Variants in SLC4A10 observed in about 807,000 individuals in gnomAD.
SLC4A10 encodes the protein sodium-driven chloride bicarbonate exchanger.
SLC4A10 carries 42 observed loss-of-function variants against 137.7 expected under a neutral mutation model. The observed-to-expected ratio is 0.30, with a 90% confidence interval of 0.24 to 0.39. The LOEUF is 0.39. Ranked by LOEUF, SLC4A10 falls within the 10% of genes least tolerant of loss-of-function variation. SLC4A10 has a pLI of 1.00. For synonymous variants in SLC4A10, 474 were observed against 464.1 expected (o/e 1.02, Z -0.27); for missense variants, 925 against 1,355.0 (o/e 0.68, Z 4.98).
intron 15 of SLC4A10, 47 bp downstream of exon 15, chr2:161,905,934 A>G: frequency 6.5e-7 from 1 of 1,532,780 alleles, no homozygotes; most frequent in Non-Finnish European, 8.7e-7. Flanking sequence ...CTTTTGACAA[A>G]TATTGCTATT....
chr2:161,928,181 A>G (rs1689559803), intron 15 of SLC4A10, among the ~76,000 whole-genome samples: 1 of 149,230 alleles, frequency 6.7e-6, no homozygotes, highest in African/African-American at 2.5e-5. Flanking sequence ...ACCATGGAAT[A>G]CTATGCAGCC....
intron 15 of SLC4A10, among the ~76,000 whole-genome samples, chr2:161,910,934 C>T (rs1052893006): frequency 6.6e-6 from 1 of 151,612 alleles, no homozygotes; most frequent in Admixed American, 6.6e-5. Flanking sequence ...TTTTATCTCC[C>T]GTAGTCCCAG....
intron 10 of SLC4A10, among the ~76,000 whole-genome samples, chr2:161,889,790 A>G (rs969746108): frequency 6.6e-6 from 1 of 151,952 alleles, no homozygotes; most frequent in African/African-American, 2.4e-5. Flanking sequence ...TGTCTCCTTT[A>G]GCTCTGCTCT....
In SLC4A10 at chr2:161,904,290, T is replaced by C. The variant is rs1187989063; in HGVS notation, c.1617+112T>C. On this transcript the variant is annotated intron_variant, in intron 13 of 26. Coordinates refer to ENST00000446997, the MANE Select transcript of SLC4A10 (RefSeq NM_001178015.2). The stretch of plus-strand genomic sequence containing the variant: ...CTTTTCTGAGGAGAGATTTGAGATA[T>C]GGTCTGGCAGATACACCTTATATGA... 5.1e-6 allele frequency: 6 copies of C among 1,176,370 alleles called. No homozygotes were observed. In the African/African-American group the frequency reaches 6.2e-5, roughly 12 times the overall value. The allele number at this position is 1,176,370 out of a possible 1,614,324, so 72.9% of individuals were successfully genotyped here. A position where few individuals can be genotyped will look rare whatever the true frequency, so the allele number is the denominator to read the frequency against.
At chr2:161,731,175 C>T (rs1378362776) in intron 1 of SLC4A10, among the ~76,000 whole-genome samples, 1 of 152,054 alleles carries the variant, frequency 6.6e-6, no homozygotes, top group East Asian at 1.9e-4. Flanking sequence ...CATGAGTTCT[C>T]CACAGATTAA....
chr2:161,733,967 C>A (rs2047066855), intron 1 of SLC4A10, among the ~76,000 whole-genome samples: 1 of 152,162 alleles, frequency 6.6e-6, no homozygotes, highest in Non-Finnish European at 1.5e-5. Context: ...TGGTCAATTT[C>A]TCCCATTTGG....
intron 1 of SLC4A10, among the ~76,000 whole-genome samples, chr2:161,628,554 A>G (rs2032908537): frequency 6.6e-6 from 1 of 152,056 alleles, no homozygotes; most frequent in South Asian, 2.1e-4. Context: ...TAAAATGTCA[A>G]AGTAACAAAA....
intron 4 of SLC4A10, among the ~76,000 whole-genome samples, chr2:161,853,014 G>C (rs1285544106): frequency 6.6e-6 from 1 of 152,104 alleles, no homozygotes; most frequent in Non-Finnish European, 1.5e-5. Flanking sequence ...TCTGCCAAGA[G>C]GTTGTTCCTT....
chr2:161,981,703 T>G (rs570478899), intron 26 of SLC4A10, among the ~76,000 whole-genome samples: 2 of 152,292 alleles, frequency 1.3e-5, no homozygotes, highest in Non-Finnish European at 2.9e-5. Context: ...GAGTTAAAAA[T>G]ACGAGTTAGG....
chr2:161,766,061 T>C (rs984815029), intron 1 of SLC4A10, among the ~76,000 whole-genome samples: 1 of 152,160 alleles, frequency 6.6e-6, no homozygotes, highest in East Asian at 1.9e-4. Context: ...AGAGTATACA[T>C]TGGATTTTTC....
chr2:161,956,405 TGG>T (rs1448204941), intron 19 of SLC4A10, among the ~76,000 whole-genome samples: 1 of 152,108 alleles, frequency 6.6e-6, no homozygotes, highest in African/African-American at 2.4e-5. Context: ...AAATAAAAGG[TGG>T]AACATAAAAT....
chr2:161,844,646 G>T (rs1259298542), intron 4 of SLC4A10, among the ~76,000 whole-genome samples: 1 of 152,078 alleles, frequency 6.6e-6, no homozygotes, highest in African/African-American at 2.4e-5. Flanking sequence ...GAGTTAGTGA[G>T]AATAGAACAC....
chr2:161,930,498 A>T (rs1575697861), intron 15 of SLC4A10, among the ~76,000 whole-genome samples: 1 of 151,260 alleles, frequency 6.6e-6, no homozygotes, highest in East Asian at 1.9e-4. Flanking sequence ...TTCTCAAGAA[A>T]TCCTGTCCAG....
At chr2:161,834,749 C>G (rs1016132971) in intron 3 of SLC4A10, among the ~76,000 whole-genome samples, 2 of 151,546 alleles carry the variant, frequency 1.3e-5, no homozygotes, top group African/African-American at 4.9e-5. Context: ...CTTTCTATAA[C>G]CATCAATCAC....
chr2:161,686,591 C>T (rs1010062719), intron 1 of SLC4A10, among the ~76,000 whole-genome samples: 16 of 152,048 alleles, frequency 1.1e-4, no homozygotes, highest in African/African-American at 3.4e-4. Context: ...AATCAGAAGT[C>T]TGGGCAAAAT....
chr2:161,790,815 G>A (rs1001894006), intron 2 of SLC4A10, among the ~76,000 whole-genome samples: 7 of 152,014 alleles, frequency 4.6e-5, no homozygotes, highest in African/African-American at 1.2e-4. Context: ...CAAAAGACAC[G>A]AACAGACACT....
rs560574594 is a variant in SLC4A10 at position 161,844,599 on chromosome 2, A to G, written c.416+4672A>G. On this transcript the variant is annotated intron_variant, in intron 4 of 26. Transcript: ENST00000446997. ...AGACTTACTCTTTTTTTGTTTGGGTAGAATGAGAGGATTAAAAATCTTAGA... is the reference window on the plus strand; with the variant it reads ...AGACTTACTCTTTTTTTGTTTGGGTGGAATGAGAGGATTAAAAATCTTAGA... Among the ~76,000 whole-genome samples the G allele has an allele frequency of 1.8e-4, 28 of 152,238 alleles. No individual in the cohort carries two copies. The South Asian group carries it at 5.6e-3, about 30-fold the overall frequency.
intron 1 of SLC4A10, among the ~76,000 whole-genome samples, chr2:161,753,409 T>A (rs2049206858): frequency 6.6e-6 from 1 of 152,176 alleles, no homozygotes; most frequent in East Asian, 1.9e-4. Context: ...CTGACTCAAT[T>A]TTTCTGAAGA....
intron 15 of SLC4A10, among the ~76,000 whole-genome samples, chr2:161,938,535 A>ATAGAT (rs1352273241): frequency 3.2e-4 from 49 of 151,212 alleles, no homozygotes; most frequent in Admixed American, 3.0e-3. Flanking sequence ...ATCGATAATA[A>ATAGAT]TCTATTATCG....
Sources: gnomAD v4.1 joint callset for allele counts (sites outside exome capture counted in the v4.1 genomes callset) on GRCh38, gnomAD v4.1.1 for gene constraint, MANE v1.5 for transcripts, NCBI Gene and HGNC (gene_info 2026-07-23, HGNC 2026-07-21) for gene names.